The following THADA variants were observed in gnomAD, a reference collection of about 807,000 sequenced individuals.
THADA encodes tRNA (32-2'-O)-methyltransferase regulator THADA.
A neutral mutation model predicts 219.8 loss-of-function variants in THADA; 213 were observed. The ratio of observed to expected loss-of-function variants is 0.97; its 90% CI spans 0.87 to 1.09. THADA has a LOEUF of 1.09. Among genes scored for constraint, THADA ranks in the 50% least tolerant of loss-of-function variants. The pLI is 0.00. For missense variants in THADA, 2,956 were observed against 2,311.3 expected (o/e 1.28, Z -5.72); for synonymous variants, 1,018 against 828.9 (o/e 1.23, Z -3.92).
intron 23 of THADA, 141 bp from the exon 24 acceptor site, chr2:43,505,876 C>T: frequency 1.6e-6 from 1 of 642,002 alleles, no homozygotes; most frequent in Non-Finnish European, 2.7e-6. Context: ...AGCCATGTGG[C>T]CGTGGGCAAG....
At chr2:43,467,627 G>A (rs1684414968) in intron 26 of THADA, among the ~76,000 whole-genome samples, 1 of 152,194 alleles carries the variant, frequency 6.6e-6, no homozygotes, top group Non-Finnish European at 1.5e-5. Context: ...GACTTCTCCT[G>A]AAAGTTGAGA....
intron 27 of THADA, among the ~76,000 whole-genome samples, chr2:43,429,351 C>T (rs1026781693): frequency 1.3e-5 from 2 of 152,112 alleles, no homozygotes; most frequent in African/African-American, 4.8e-5. Context: ...AGGTGATCCA[C>T]CTGCCTTGGC....
At chr2:43,566,587 A>G (rs908586718) in intron 15 of THADA, 111 bp downstream of exon 15, 2 of 1,183,772 alleles carry the variant, frequency 1.7e-6, no homozygotes, top group Admixed American at 3.9e-5. Context: ...GGTAAGAATG[A>G]AACCTCAAAG....
Position 43,287,089 on chromosome 2 carries a change from AGTT to A in THADA, c.5011-31_5011-29del, listed in dbSNP as rs780957884. 1.9e-6 allele frequency: 3 copies of A among 1,588,678 alleles called. No homozygotes were observed. The African/African-American group carries it at 4.0e-5, about 21-fold the overall frequency. On this transcript the variant is annotated intron_variant, in intron 34 of 37. Coordinates refer to ENST00000405975, the MANE Select transcript of THADA (RefSeq NM_022065.5). Reference sequence around the variant, plus strand: ...AAAAGCACAAAATGTACCTATCAGTAGTTCAGAAGATGCAACAAGGGCTGACAC... The same window carrying A: ...AAAAGCACAAAATGTACCTATCAGTACAGAAGATGCAACAAGGGCTGACAC...
At chr2:43,434,486 C>T (rs931087842) in intron 26 of THADA, among the ~76,000 whole-genome samples, 2 of 152,178 alleles carry the variant, frequency 1.3e-5, no homozygotes, top group African/African-American at 4.8e-5. Context: ...TATAAAATCC[C>T]CCAAGACCCT....
chr2:43,293,540 G>A (rs897014790), intron 31 of THADA, among the ~76,000 whole-genome samples: 1 of 152,162 alleles, frequency 6.6e-6, no homozygotes, highest in African/African-American at 2.4e-5. Flanking sequence ...CATGAGAAGA[G>A]GACATCTAGT....
At chr2:43,241,160 C>G (rs544410376) in intron 36 of THADA, among the ~76,000 whole-genome samples, 2 of 152,218 alleles carry the variant, frequency 1.3e-5, no homozygotes, top group East Asian at 3.9e-4. Context: ...GGCACAATCA[C>G]AGCTCACTGC....
In THADA at chr2:43,498,955, C is replaced by T; in HGVS notation, c.3622G>A (p.Val1208Ile). ...GCTCTAAGGATATTTAAAGCATGAACCTAAAACAAGAAGTTCAAAATTAGT... is the reference window on the plus strand; with the variant it reads ...GCTCTAAGGATATTTAAAGCATGAATCTAAAACAAGAAGTTCAAAATTAGT... ...TDDIQSTVPQ[V>I]HALNILRALF... The change falls in exon 25 of 38, where the codon GTT becomes ATT. Residue 1208 changes from valine (V) to isoleucine (I), a missense_variant and splice_region_variant. Physicochemically the swap from Val to Ile is conservative, Grantham distance 29. Coordinates refer to ENST00000405975, the MANE Select transcript of THADA (RefSeq NM_022065.5). 2 of 1,559,860 alleles carry T rather than the reference C, an allele frequency of 1.3e-6. No individual in the cohort carries two copies. The highest frequency in any genetic ancestry group is 1.7e-6 in the Non-Finnish European group (2 of 1,151,290).
chr2:43,583,559 C>A (rs80075345), intron 7 of THADA, among the ~76,000 whole-genome samples: 1 of 152,064 alleles, frequency 6.6e-6, no homozygotes, highest in Non-Finnish European at 1.5e-5. Flanking sequence ...TCCACTCCTA[C>A]GTATATACCC....
At chr2:43,576,975 T>C in intron 10 of THADA, 47 bp downstream of exon 10, 1 of 1,532,492 alleles carries the variant, frequency 6.5e-7, no homozygotes, top group South Asian at 1.2e-5. Context: ...ATCTTCTAAA[T>C]GTCTTACAAG....
rs985009614 is a variant in THADA, at chr2:43,592,050, T to C, written c.77-4A>G. The C allele has an allele frequency of 3.2e-6, 5 of 1,541,408 alleles. No homozygotes were observed. The highest frequency in any genetic ancestry group is 4.4e-6 in the Non-Finnish European group (5 of 1,143,342). ...TTCCCTTCCACATCAGCAAAAGCTA[T>C]ATAACATATACAAAAAAAAATTTTC... is the stretch of plus-strand genomic sequence containing the variant. On this transcript the variant is annotated splice_region_variant and splice_polypyrimidine_tract_variant and intron_variant, in intron 2 of 37. Coordinates refer to ENST00000405975, the MANE Select transcript of THADA (RefSeq NM_022065.5).
Position 43,286,904 on chromosome 2 carries a change from T to C in THADA, c.5164+4A>G. On this transcript the variant is annotated splice_donor_region_variant and intron_variant, in intron 35 of 37. Transcript: ENST00000405975. ...ACAACAGACTTCCGTCTCGGCGCAC[T>C]TACCAAGAATAGGATGGGGGTTGGT... The C allele has an allele frequency of 6.2e-7, 1 of 1,608,746 alleles. No individual in the cohort carries two copies. The highest frequency in any genetic ancestry group is 1.1e-5 in the South Asian group (1 of 90,910).
Position 43,574,432 on chromosome 2 carries a change from C to G in THADA, c.1633G>C (p.Val545Leu), listed in dbSNP as rs778331517. Reference sequence around the variant, plus strand: ...AATTTTGGCAAGTAATAATCAATCACGTAAGATTTTTGATCCAAGTTTCCT... The same window carrying G: ...AATTTTGGCAAGTAATAATCAATCAGGTAAGATTTTTGATCCAAGTTTCCT... The part of the protein sequence containing the change: ...CEGNLDQKSY[V>L]IDYYLPKLLS... Residue 545 changes from valine to leucine, a missense_variant, in exon 11 of 38, where the codon GTG becomes CTG. Physicochemically the swap from Val to Leu is conservative, Grantham distance 32 (BLOSUM62 1). Transcript: ENST00000405975. The G allele has an allele frequency of 6.2e-7, 1 of 1,611,850 alleles. No individual in the cohort carries two copies. Among genetic ancestry groups the G allele is most frequent in the African/African-American group, 1.3e-5 (1 of 74,898 alleles).
intron 28 of THADA, among the ~76,000 whole-genome samples, chr2:43,424,381 T>C (rs965235151): frequency 2.0e-5 from 3 of 152,152 alleles, no homozygotes; most frequent in African/African-American, 7.2e-5. Flanking sequence ...GCCAAACTCA[T>C]AGTATCCATG....
At chr2:43,371,128 G>A (rs1670753162) in intron 29 of THADA, among the ~76,000 whole-genome samples, 2 of 152,134 alleles carry the variant, frequency 1.3e-5, no homozygotes, top group African/African-American at 4.8e-5. Flanking sequence ...TAACTTGAAG[G>A]TAGATTTTTA....
At chr2:43,436,963 G>A (rs956364070) in intron 26 of THADA, among the ~76,000 whole-genome samples, 12 of 152,182 alleles carry the variant, frequency 7.9e-5, no homozygotes. Flanking sequence ...CCACCAGTAG[G>A]TCATATAGCT....
rs542006140 is a variant in THADA at position 43,231,235 on chromosome 2, C to A, written c.5575G>T (p.Gly1859Cys). The change falls in exon 38 of 38, where the codon GGC (glycine) becomes TGC (cysteine). Residue 1859 changes from glycine (G) to cysteine (C), a missense_variant. Coordinates refer to ENST00000405975, the MANE Select transcript of THADA (RefSeq NM_022065.5). The part of the protein sequence containing the change: ...KHLFCLLSKS[G>C]WRPPSPEMLC... Reference sequence around the variant, plus strand: ...ATCTCAGGGCTTGGGGGACGCCAGCCGGACTTTGAGAGGAGACAGAAGAGG... The same window carrying A: ...ATCTCAGGGCTTGGGGGACGCCAGCAGGACTTTGAGAGGAGACAGAAGAGG... 6.2e-7 allele frequency: 1 copy of A among 1,613,676 alleles called. No homozygotes were observed. Among genetic ancestry groups the A allele is most frequent in the Non-Finnish European group, 8.5e-7 (1 of 1,179,756 alleles).
At chr2:43,438,410 G>C (rs1046768478) in intron 26 of THADA, among the ~76,000 whole-genome samples, 4 of 151,496 alleles carry the variant, frequency 2.6e-5, no homozygotes, top group African/African-American at 9.7e-5. Flanking sequence ...TCAGAATACT[G>C]TTCATGGAAA....
chr2:43,359,444 C>CT (rs1424240223), intron 29 of THADA, among the ~76,000 whole-genome samples: 1 of 152,226 alleles, frequency 6.6e-6, no homozygotes, highest in Non-Finnish European at 1.5e-5. Context: ...CTTTGGGAGG[C>CT]TGAGGCGGGC....
Sources: gnomAD v4.1 joint callset for allele counts (sites outside exome capture counted in the v4.1 genomes callset) on GRCh38, gnomAD v4.1.1 for gene constraint, MANE v1.5 for transcripts, NCBI Gene and HGNC (gene_info 2026-07-23, HGNC 2026-07-21) for gene names.